HERC1: variants seen among roughly 807,000 people sequenced by gnomAD.
The protein encoded by HERC1 is probable E3 ubiquitin-protein ligase HERC1.
In HERC1, 160 loss-of-function variants were observed where a neutral mutation model predicts 554.3. That is an observed-to-expected ratio of 0.29 (90% CI 0.25 to 0.33). HERC1 has a LOEUF of 0.33. Among genes scored for constraint, HERC1 ranks in the 10% least tolerant of loss-of-function variants. The pLI, the probability that HERC1 is intolerant of heterozygous loss-of-function variation, is 1.00. For missense variants in HERC1, 4,919 were observed against 5,918.5 expected (o/e 0.83, Z 5.54); for synonymous variants, 2,175 against 2,131.7 (o/e 1.02, Z -0.56).
chr15:63,666,039 G>C lies in HERC1; in HGVS notation c.8435C>G (p.Ser2812Cys). 6.2e-7 allele frequency: 1 copy of C among 1,614,006 alleles called. No homozygotes were observed. The highest frequency in any genetic ancestry group is 1.1e-5 in the South Asian group (1 of 91,088). Residue 2812 changes from serine to cysteine, a missense_variant, in exon 42 of 78, where the codon TCT becomes TGT. Coordinates refer to ENST00000443617, the MANE Select transcript of HERC1 (RefSeq NM_003922.4). ...GCCTAGAACGGCTGCTCCAGGCCTA[G>C]AGTCTGCTGTGCTGCCCGACTGGGG... ...EEPQSGSTADSRPGAAVLGSG... is the reference protein window; with the variant it reads ...EEPQSGSTADCRPGAAVLGSG...
Position 63,727,888 on chromosome 15 carries a change from T to TA in HERC1, c.3155-51dup, listed in dbSNP as rs1265904332. On this transcript the variant is annotated intron_variant, in intron 16 of 77. Coordinates refer to ENST00000443617, the MANE Select transcript of HERC1 (RefSeq NM_003922.4). The surrounding 1 kb of genome is among the most constrained non-coding windows in gnomAD (Gnocchi z 4.3). The stretch of plus-strand genomic sequence containing the variant: ...TGGGACAATTGCTTCAAATGAACTT[T>TA]AAAAAAAGGAACCTAATAAATATTA... 3 of 1,436,748 alleles carry TA rather than the reference T, an allele frequency of 2.1e-6. No individual in the cohort carries two copies. Among genetic ancestry groups the TA allele is most frequent in the East Asian group, 2.3e-5 (1 of 43,864 alleles). 89.0% of individuals were successfully genotyped at this position (1,436,748 alleles called of 1,614,324 possible). A position where few individuals can be genotyped will look rare whatever the true frequency, so the allele number is the denominator to read the frequency against.
At chr15:63,808,019 G>C (rs1305073565) in intron 1 of HERC1, among the ~76,000 whole-genome samples, 1 of 150,768 alleles carries the variant, frequency 6.6e-6, no homozygotes, top group African/African-American at 2.4e-5. Context: ...GTCTCTAATT[G>C]TTCATCATAT....
chr15:63,619,497 G>A (rs2067974003), intron 74 of HERC1, among the ~76,000 whole-genome samples: 1 of 152,190 alleles, frequency 6.6e-6, no homozygotes, highest in African/African-American at 2.4e-5. Context: ...GTTTCAGGAT[G>A]ATGCTGGCCT....
rs1160936553 is a variant in HERC1 at position 63,734,228 on chromosome 15, AT to A, written c.2646+495del. Among the ~76,000 whole-genome samples, 1 of 151,928 alleles carries A rather than the reference AT, an allele frequency of 6.6e-6. No homozygotes were observed. Among genetic ancestry groups the A allele is most frequent in the Non-Finnish European group, 1.5e-5 (1 of 67,970 alleles). Reference sequence around the variant, plus strand: ...AATATTACACTGCAAATAAGTACCAATTTTTTTTCCTCAAATCTGTATCTCT... The same window carrying A: ...AATATTACACTGCAAATAAGTACCAATTTTTTTCCTCAAATCTGTATCTCT... On this transcript the variant is annotated intron_variant, in intron 13 of 77. Transcript: ENST00000443617. This position sits in a 1 kb window ranked among gnomAD's most constrained non-coding sequence, Gnocchi z 4.6.
chr15:63,730,585 G>A (rs1205420018), intron 14 of HERC1, among the ~76,000 whole-genome samples: 1 of 152,208 alleles, frequency 6.6e-6, no homozygotes. Context: ...GGCAACTGTA[G>A]AAATGTAAAT....
chr15:63,770,393 A>G (rs2075915627), intron 2 of HERC1, among the ~76,000 whole-genome samples: 1 of 152,184 alleles, frequency 6.6e-6, no homozygotes, highest in Admixed American at 6.5e-5. Context: ...ATGTCTGTGC[A>G]TCCCTCTTTC....
intron 1 of HERC1, among the ~76,000 whole-genome samples, chr15:63,832,414 A>G (rs1399780245): frequency 6.6e-6 from 1 of 152,202 alleles, no homozygotes; most frequent in African/African-American, 2.4e-5. Flanking sequence ...ACTAATCACA[A>G]CAGGCACTAT....
Position 63,678,100 on chromosome 15 carries a change from T to C in HERC1, c.6815A>G (p.Glu2272Gly). 5 of 1,613,984 alleles carry C rather than the reference T, an allele frequency of 3.1e-6. No homozygotes were observed. Among genetic ancestry groups the C allele is most frequent in the African/African-American group, 1.3e-5 (1 of 75,042 alleles). Residue 2272 changes from glutamate (E) to glycine (G), a missense_variant, in exon 37 of 78, where the codon GAG (glutamate) becomes GGG (glycine). Glu to Gly is a moderately conservative substitution (Grantham distance 98). Transcript: ENST00000443617. Reference protein sequence around the residue: ...QSREENEMREEKESKEEEKGK... With the variant: ...QSREENEMREGKESKEEEKGK... The stretch of plus-strand genomic sequence containing the variant: ...TTTCTCTTCCTCTTTGCTCTCCTTC[T>C]CCTCTCTCATTTCATTTTCCTCTCG...
intron 18 of HERC1, 37 bp downstream of exon 18, chr15:63,725,255 A>T (rs560166337): frequency 1.3e-6 from 2 of 1,548,768 alleles, no homozygotes; most frequent in South Asian, 2.3e-5. Context: ...AGGTACAAAC[A>T]GGCATGTATT....
intron 70 of HERC1, among the ~76,000 whole-genome samples, chr15:63,628,244 T>C (rs2068389971): frequency 1.3e-5 from 2 of 151,872 alleles, no homozygotes; most frequent in Non-Finnish European, 2.9e-5. Flanking sequence ...CAGAAAAAAT[T>C]AGCCAGGAAT....
At position 63,630,632 on chromosome 15, in the gene HERC1, C is replaced by T. The variant is rs1342385951; in HGVS notation, c.12800G>A (p.Arg4267His). Residue 4267 changes from arginine (R) to histidine (H), a missense_variant, in exon 69 of 78, where the codon CGC becomes CAC. Physicochemically the swap from Arg to His is conservative, Grantham distance 29 (BLOSUM62 0). Coordinates refer to ENST00000443617, the MANE Select transcript of HERC1 (RefSeq NM_003922.4). ...ACGCCCCTCTGGCAAGCCTATCAGG[C>T]GATCTGAAAAAAACAAAACAAAAAC... ...DGHVYTFGQDRLIGLPEGRAR... is the reference protein window; with the variant it reads ...DGHVYTFGQDHLIGLPEGRAR... The T allele has an allele frequency of 2.5e-6, 4 of 1,606,510 alleles. No individual in the cohort carries two copies. The highest frequency in any genetic ancestry group is 2.5e-6 in the Non-Finnish European group (3 of 1,177,198).
chr15:63,674,021 G>A (rs2071071638), intron 38 of HERC1, among the ~76,000 whole-genome samples: 1 of 152,118 alleles, frequency 6.6e-6, no homozygotes, highest in Admixed American at 6.5e-5. Context: ...CACCATGCTT[G>A]CCAGAATACT....
chr15:63,786,739 C>A (rs937607858), intron 1 of HERC1, among the ~76,000 whole-genome samples: 1 of 151,978 alleles, frequency 6.6e-6, no homozygotes, highest in South Asian at 2.1e-4. Context: ...TTAGTAGTTG[C>A]CAGAGGCTGG....
intron 34 of HERC1, among the ~76,000 whole-genome samples, chr15:63,681,902 C>T (rs1363242715): frequency 6.6e-6 from 1 of 152,162 alleles, no homozygotes; most frequent in Admixed American, 6.5e-5. Flanking sequence ...GTGTCCTTCC[C>T]TTATTAACTG....
intron 61 of HERC1, among the ~76,000 whole-genome samples, chr15:63,639,223 G>C (rs1009070727): frequency 3.3e-5 from 5 of 152,178 alleles, no homozygotes; most frequent in African/African-American, 4.8e-5. Context: ...TGACATTTCA[G>C]TCAACAACAA....
intron 74 of HERC1, 74 bp downstream of exon 74, chr15:63,622,741 A>C: frequency 1.7e-6 from 2 of 1,156,540 alleles, no homozygotes; most frequent in Non-Finnish European, 2.5e-6. Flanking sequence ...GACCTGGTAC[A>C]TAGTAAGCAC....
intron 68 of HERC1, 50 bp downstream of exon 68, chr15:63,632,659 A>G (rs2068614884): frequency 1.7e-5 from 21 of 1,205,756 alleles, no homozygotes; most frequent in Non-Finnish European, 2.4e-5. Context: ...CTGGAAGGCC[A>G]ATGTTTATAA....
At chr15:63,812,376 T>A (rs2077354870) in intron 1 of HERC1, among the ~76,000 whole-genome samples, 1 of 152,232 alleles carries the variant, frequency 6.6e-6, no homozygotes, top group Admixed American at 6.5e-5. Flanking sequence ...TGGAGGTAAG[T>A]TTTAGCAGGG....
At chr15:63,655,984 A>C (rs1595904154) in intron 49 of HERC1, 29 bp from the exon 50 acceptor site, 2 of 1,595,900 alleles carry the variant, frequency 1.3e-6, no homozygotes, top group African/African-American at 1.3e-5. Context: ...AAACAGACTT[A>C]ATTTTTACAT....
Sources: allele counts gnomAD v4.1 joint callset (sites outside exome capture counted in the v4.1 genomes callset), GRCh38; gene constraint gnomAD v4.1.1; non-coding constraint Gnocchi (gnomAD v3.1); transcripts MANE v1.5; gene names NCBI Gene and HGNC (gene_info 2026-07-23, HGNC 2026-07-21).